USP44: variants seen among roughly 807,000 people sequenced by gnomAD.
USP44 encodes the protein ubiquitin specific peptidase 44, also known as ubiquitin carboxyl-terminal hydrolase 44.
USP44 carries 61 observed loss-of-function variants against 69.0 expected under a neutral mutation model. The ratio of observed to expected loss-of-function variants is 0.88; its 90% CI spans 0.72 to 1.09. The LOEUF (loss-of-function observed/expected upper bound fraction) is 1.09, where lower values mean the gene tolerates loss of function less well. Ranked by LOEUF, USP44 falls within the 50% of genes least tolerant of loss-of-function variation. The probability of loss-of-function intolerance (pLI) is 0.00; values close to 1 mark genes in which losing one functional copy is unlikely to be tolerated. For synonymous variants in USP44, 297 were observed against 295.4 expected, an observed-to-expected ratio of 1.01 and a Z score of -0.06; for missense variants, 753 against 849.9, an observed-to-expected ratio of 0.89 and a Z score of 1.42.
At chr12:95,546,702 GTGTT>G (rs902783828) in intron 1 of USP44, 5 of 152,270 alleles carry the variant, frequency 3.3e-5, no homozygotes, top group Admixed American at 3.3e-4. Context: ...TTCAAAGCAC[GTGTT>G]TGTTTTTTTG....
At chr12:95,538,428 G>T (rs141936807) in intron 1 of USP44, among the ~76,000 whole-genome samples, 78 of 151,874 alleles carry the variant, frequency 5.1e-4, no homozygotes, top group Middle Eastern at 3.4e-3. Context: ...TTTTAGCCAG[G>T]GATTCCTTCT....
chr12:95,546,309 T>C (rs532017812), intron 1 of USP44: 2 of 152,312 alleles, frequency 1.3e-5, no homozygotes, highest in South Asian at 4.1e-4. Flanking sequence ...ATCTAGCAAG[T>C]ATATCGTTAG....
rs2076479621 is a variant in USP44, at chr12:95,516,670, A to G, written c.*1484T>C. Reference sequence around the variant, plus strand: ...TTTAAACATAGCCATTTAATATTCCAGATGTATTTTCGGCACAAATGATTT... The same window carrying G: ...TTTAAACATAGCCATTTAATATTCCGGATGTATTTTCGGCACAAATGATTT... On this transcript the variant is annotated 3_prime_UTR_variant, in exon 6 of 6. Transcript: ENST00000258499. 1 of 152,192 alleles carries G rather than the reference A, an allele frequency of 6.6e-6. No homozygotes were observed. The highest frequency in any genetic ancestry group is 2.4e-5 in the African/African-American group (1 of 41,444). 9.4% of individuals were successfully genotyped at this position (152,192 alleles called of 1,614,324 possible). A position where few individuals can be genotyped will look rare whatever the true frequency, so the allele number is the denominator to read the frequency against.
chr12:95,546,094 C>G (rs2077561632), intron 1 of USP44, among the ~76,000 whole-genome samples: 1 of 152,204 alleles, frequency 6.6e-6, no homozygotes, highest in African/African-American at 2.4e-5. Flanking sequence ...CCCATCCCTA[C>G]TTAACAAGTA....
At chr12:95,543,115 G>C (rs7294704) in intron 1 of USP44, among the ~76,000 whole-genome samples, 45,926 of 148,706 alleles carry the variant, frequency 0.31, 7,189 homozygotes, top group Middle Eastern at 0.39. Context: ...AAAATAGTAA[G>C]TCCTGCCGGG....
Position 95,517,903 on chromosome 12 carries a change from A to T in USP44, c.*251T>A. 1 of 322,832 alleles carries T rather than the reference A, an allele frequency of 3.1e-6. No homozygotes were observed. The allele number at this position is 322,832 out of a possible 1,614,324, so 20.0% of individuals were successfully genotyped here. On this transcript the variant is annotated 3_prime_UTR_variant, in exon 6 of 6. Transcript: ENST00000258499. Reference sequence around the variant, plus strand: ...AAGTTCATCATCCGAGCCAATTAAGACATAAAAATATAAAAGAGGTAACAT... The same window carrying T: ...AAGTTCATCATCCGAGCCAATTAAGTCATAAAAATATAAAAGAGGTAACAT...
intron 1 of USP44, among the ~76,000 whole-genome samples, chr12:95,543,406 C>CAAAAA (rs60127958): frequency 1.0e-3 from 45 of 43,066 alleles, no homozygotes; most frequent in African/African-American, 2.5e-3. Context: ...GACTCTTTCT[C>CAAAAA]AAAAAAAAAA....
chr12:95,531,489 T>C (rs1592703589), intron 2 of USP44, among the ~76,000 whole-genome samples: 2 of 152,310 alleles, frequency 1.3e-5, no homozygotes, highest in South Asian at 2.1e-4. Context: ...TCCTATATTA[T>C]ATAGGTTTCC....
intron 2 of USP44, 99 bp from the exon 3 acceptor site, chr12:95,529,101 G>T: frequency 9.7e-7 from 1 of 1,030,182 alleles, no homozygotes; most frequent in South Asian, 2.0e-5. Flanking sequence ...CTTTTCTCAT[G>T]AAAATGCACC....
chr12:95,528,994 A>G lies in USP44; in HGVS notation c.1437T>C (p.Cys479=). 1 of 1,608,884 alleles carries G rather than the reference A, an allele frequency of 6.2e-7. No individual in the cohort carries two copies. The highest frequency in any genetic ancestry group is 8.5e-7 in the Non-Finnish European group (1 of 1,177,640). The stretch of plus-strand genomic sequence containing the variant: ...TATTTGATTTGTTGTCACATGCAAG[A>G]CATGTAACCTGCAAATGAGAATATG... ...FHGQLLSQVT[C]LACDNKSNTI... is the part of the protein sequence containing the mutation. The change falls in exon 3 of 6, where the codon TGT becomes TGC. Residue 479 remains cysteine (C), a synonymous_variant. Coordinates refer to ENST00000258499, the MANE Select transcript of USP44 (RefSeq NM_032147.5).
At chr12:95,520,433 A>G (rs1169322129) in intron 5 of USP44, among the ~76,000 whole-genome samples, 3 of 152,126 alleles carry the variant, frequency 2.0e-5, no homozygotes, top group African/African-American at 7.2e-5. Context: ...CAGAGGTTGC[A>G]GTGAGCTGAG....
chr12:95,530,682 G>A (rs185602995), intron 2 of USP44, among the ~76,000 whole-genome samples: 2 of 143,558 alleles, frequency 1.4e-5, no homozygotes, highest in East Asian at 3.9e-4. Flanking sequence ...TAGATAGATA[G>A]ATAGATAGAT....
intron 2 of USP44, among the ~76,000 whole-genome samples, chr12:95,531,516 A>G (rs1257148326): frequency 1.3e-5 from 2 of 152,130 alleles, no homozygotes; most frequent in Non-Finnish European, 2.9e-5. Context: ...TATATGTTGC[A>G]CTCTGTAACA....
chr12:95,533,949 C>G lies in USP44; in HGVS notation c.308G>C (p.Ser103Thr). 6.2e-7 allele frequency: 1 copy of G among 1,614,162 alleles called. No individual in the cohort carries two copies. Among genetic ancestry groups the G allele is most frequent in the Non-Finnish European group, 8.5e-7 (1 of 1,180,034 alleles). The change falls in exon 2 of 6, where the codon AGT becomes ACT. Residue 103 changes from serine to threonine, a missense_variant. Coordinates refer to ENST00000258499, the MANE Select transcript of USP44 (RefSeq NM_032147.5). ...GDLKLLRRTL[S>T]AIKSQNYHCT... ...GTGATAATTTTGACTTTTGATGGCACTTAATGTACGTCGTAGTAACTTCAG... is the reference window on the plus strand; with the variant it reads ...GTGATAATTTTGACTTTTGATGGCAGTTAATGTACGTCGTAGTAACTTCAG...
chr12:95,521,509 T>C (rs2140216006), intron 4 of USP44, among the ~76,000 whole-genome samples: 1 of 152,330 alleles, frequency 6.6e-6, no homozygotes, highest in East Asian at 1.9e-4. Context: ...TTTTTGTTTT[T>C]TGTTGTTTTT....
chr12:95,539,350 T>A (rs532213685), intron 1 of USP44, among the ~76,000 whole-genome samples: 83 of 151,940 alleles, frequency 5.5e-4, no homozygotes, highest in African/African-American at 1.9e-3. Context: ...CTCAGCCTCC[T>A]GAGTAGCTGG....
At chr12:95,549,191 G>T (rs2077676519) in intron 1 of USP44, among the ~76,000 whole-genome samples, 1 of 152,234 alleles carries the variant, frequency 6.6e-6, no homozygotes, top group Admixed American at 6.5e-5. Flanking sequence ...GCAGAAACGC[G>T]TGGCAAACTC....
At chr12:95,520,384 T>A (rs1260389266) in intron 5 of USP44, among the ~76,000 whole-genome samples, 1 of 151,660 alleles carries the variant, frequency 6.6e-6, no homozygotes, top group Non-Finnish European at 1.5e-5. Flanking sequence ...CCCAACTACT[T>A]GGGAGGCTGA....
chr12:95,546,298 G>C (rs564945595), intron 1 of USP44, among the ~76,000 whole-genome samples: 1 of 152,186 alleles, frequency 6.6e-6, no homozygotes, highest in Admixed American at 6.5e-5. Flanking sequence ...TCTATGATCT[G>C]ATCTAGCAAG....
Sources: gnomAD v4.1 joint callset for allele counts (sites outside exome capture counted in the v4.1 genomes callset) on GRCh38, gnomAD v4.1.1 for gene constraint, MANE v1.5 for transcripts, NCBI Gene and HGNC (gene_info 2026-07-23, HGNC 2026-07-21) for gene names.